The following NEGR1 variants were observed in gnomAD, a reference collection of about 807,000 sequenced individuals.
NEGR1 encodes IgLON family member 4.
In NEGR1, 10 loss-of-function variants were observed where a neutral mutation model predicts 40.9. The observed-to-expected ratio is 0.24, with a 90% CI of 0.15 to 0.42. The LOEUF (loss-of-function observed/expected upper bound fraction) is 0.42. NEGR1 is among the 10% of genes least tolerant of loss of function. NEGR1 has a pLI of 1.00. For missense variants in NEGR1, 352 were observed against 438.9 expected, an observed-to-expected ratio of 0.80 and a Z score of 1.77; for synonymous variants, 185 against 166.8, an observed-to-expected ratio of 1.11 and a Z score of -0.84.
chr1:72,147,402 A>C (rs1650949898), intron 1 of NEGR1, among the ~76,000 whole-genome samples: 1 of 152,070 alleles, frequency 6.6e-6, no homozygotes, highest in East Asian at 1.9e-4. Context: ...ATTCACTATC[A>C]CAAGAATAGC....
chr1:71,532,142 A>T (rs952993998), intron 6 of NEGR1, among the ~76,000 whole-genome samples: 2 of 151,568 alleles, frequency 1.3e-5, no homozygotes, highest in Admixed American at 6.6e-5. Flanking sequence ...TTCTTTAAAT[A>T]GCCAGCAGCC....
intron 4 of NEGR1, among the ~76,000 whole-genome samples, chr1:71,641,979 G>A (rs1280323330): frequency 6.6e-6 from 1 of 151,930 alleles, no homozygotes; most frequent in Non-Finnish European, 1.5e-5. Context: ...TATGCTTGGG[G>A]CCTTAGGAAG....
intron 5 of NEGR1, among the ~76,000 whole-genome samples, chr1:71,600,442 GA>G (rs1442467662): frequency 6.6e-6 from 1 of 152,134 alleles, no homozygotes; most frequent in Admixed American, 6.5e-5. Flanking sequence ...CTCCCAGGTA[GA>G]AAAAATCTCG....
At chr1:71,669,078 A>G (rs552508199) in intron 4 of NEGR1, among the ~76,000 whole-genome samples, 1 of 152,292 alleles carries the variant, frequency 6.6e-6, no homozygotes, top group South Asian at 2.1e-4. Flanking sequence ...AATTGAGTAC[A>G]TGTAGATTTA....
intron 1 of NEGR1, among the ~76,000 whole-genome samples, chr1:72,177,886 G>A (rs1041963956): frequency 3.3e-5 from 5 of 151,622 alleles, no homozygotes; most frequent in South Asian, 2.1e-4. Flanking sequence ...GGGCCAATAA[G>A]GTCTCCATTG....
chr1:71,695,921 G>A (rs1653461124), intron 4 of NEGR1, among the ~76,000 whole-genome samples: 1 of 151,732 alleles, frequency 6.6e-6, no homozygotes, highest in Non-Finnish European at 1.5e-5. Context: ...CAAAGCTCAG[G>A]ATGCTTCAAC....
intron 2 of NEGR1, among the ~76,000 whole-genome samples, chr1:71,913,493 A>C (rs1444590430): frequency 6.6e-6 from 1 of 152,156 alleles, no homozygotes; most frequent in Non-Finnish European, 1.5e-5. Context: ...GCATAATGTC[A>C]CTTCTAAACC....
chr1:71,752,678 T>TC (rs1429269807), intron 3 of NEGR1, among the ~76,000 whole-genome samples: 2 of 149,496 alleles, frequency 1.3e-5, no homozygotes. Flanking sequence ...AGGAAATATC[T>TC]CCCCGGTCTA....
chr1:71,832,320 C>A (rs1658870451), intron 2 of NEGR1, among the ~76,000 whole-genome samples: 1 of 151,944 alleles, frequency 6.6e-6, no homozygotes, highest in African/African-American at 2.4e-5. Flanking sequence ...TGCCATATGT[C>A]TGAAAGCTCT....
At chr1:72,087,763 T>C (rs1240938230) in intron 1 of NEGR1, among the ~76,000 whole-genome samples, 1 of 147,682 alleles carries the variant, frequency 6.8e-6, no homozygotes, top group African/African-American at 2.5e-5. Flanking sequence ...TTTTTTTTTT[T>C]TTTTTTTTTT....
At chr1:71,458,874 ATT>A (rs1349684136) in intron 6 of NEGR1, among the ~76,000 whole-genome samples, 1 of 152,048 alleles carries the variant, frequency 6.6e-6, no homozygotes, top group Non-Finnish European at 1.5e-5. Context: ...ATGCCTCAGT[ATT>A]TCTTAGTTTC....
chr1:71,922,929 A>G (rs1444514641), intron 2 of NEGR1, among the ~76,000 whole-genome samples: 1 of 152,182 alleles, frequency 6.6e-6, no homozygotes, highest in African/African-American at 2.4e-5. Context: ...CTTGAGGTCA[A>G]TCTAATACTT....
chr1:71,780,677 T>C (rs1656685067), intron 2 of NEGR1, among the ~76,000 whole-genome samples: 1 of 152,220 alleles, frequency 6.6e-6, no homozygotes, highest in African/African-American at 2.4e-5. Flanking sequence ...CCTTTAATTG[T>C]TCACTGGCCT....
chr1:71,935,331 C>A lies in NEGR1; in HGVS notation c.177-20G>T. 1 of 1,465,624 alleles carries A rather than the reference C, an allele frequency of 6.8e-7. No individual in the cohort carries two copies. The highest frequency in any genetic ancestry group is 9.6e-7 in the Non-Finnish European group (1 of 1,045,498). 90.8% of individuals were successfully genotyped at this position (1,465,624 alleles called of 1,614,324 possible). A position where few individuals can be genotyped will look rare whatever the true frequency, so the allele number is the denominator to read the frequency against. ...TAACACCTACAAATTACAAGAGATA[C>A]AACACTATTAATCAAAATAAAAATG... On this transcript the variant is annotated intron_variant, in intron 1 of 6. Coordinates refer to ENST00000357731, the MANE Select transcript of NEGR1 (RefSeq NM_173808.3).
At chr1:71,692,049 A>G (rs550605057) in intron 4 of NEGR1, among the ~76,000 whole-genome samples, 1 of 151,726 alleles carries the variant, frequency 6.6e-6, no homozygotes, top group African/African-American at 2.4e-5. Flanking sequence ...CACTGTATTA[A>G]AACTATGGGT....
intron 6 of NEGR1, among the ~76,000 whole-genome samples, chr1:71,448,403 A>G (rs1646598255): frequency 6.6e-6 from 1 of 152,168 alleles, no homozygotes; most frequent in African/African-American, 2.4e-5. Context: ...GTTCAAGACC[A>G]GCCTGGCCAA....
rs993607933 is a variant in NEGR1, at chr1:71,527,218, T to G, written c.940+65599A>C. ...GGTCCAATCACTTTTGCATCTCTGA[T>G]GCATGGTTCAGTGTCTCACACATTC... On this transcript the variant is annotated intron_variant, in intron 6 of 6. Transcript: ENST00000357731. Among the ~76,000 whole-genome samples the G allele has an allele frequency of 2.0e-5, 3 of 151,578 alleles. No homozygotes were observed. In the East Asian group the frequency reaches 5.8e-4, roughly 29 times the overall value.
At chr1:71,787,967 G>T (rs1656972295) in intron 2 of NEGR1, among the ~76,000 whole-genome samples, 1 of 152,112 alleles carries the variant, frequency 6.6e-6, no homozygotes, top group Non-Finnish European at 1.5e-5. Flanking sequence ...AACTAACCAT[G>T]ATTAGATTTA....
chr1:71,465,206 A>AT (rs1441014439), intron 6 of NEGR1, among the ~76,000 whole-genome samples: 1 of 152,144 alleles, frequency 6.6e-6, no homozygotes, highest in East Asian at 1.9e-4. Flanking sequence ...AACAACAGAG[A>AT]TAAAAACAGC....
Sources: gnomAD v4.1 joint callset for allele counts (sites outside exome capture counted in the v4.1 genomes callset) on GRCh38, gnomAD v4.1.1 for gene constraint, MANE v1.5 for transcripts, NCBI Gene and HGNC (gene_info 2026-07-23, HGNC 2026-07-21) for gene names.